The following RAP1B variants were observed in gnomAD, a reference collection of about 807,000 sequenced individuals.
RAP1B encodes the protein ras-related protein Rap-1b.
In RAP1B, 1 loss-of-function variant was observed where a neutral mutation model predicts 27.5. That is an observed-to-expected ratio of 0.04 (90% CI 0.01 to 0.17). RAP1B has a LOEUF of 0.17. Among genes scored for constraint, RAP1B ranks in the 10% least tolerant of loss-of-function variants. The probability of loss-of-function intolerance (pLI) is 1.00; values close to 1 mark genes in which losing one functional copy is unlikely to be tolerated. For synonymous variants in RAP1B, 75 were observed against 73.1 expected (o/e 1.03, Z -0.13); for missense variants, 84 against 214.8 (o/e 0.39, Z 3.81).
intron 1 of RAP1B, among the ~76,000 whole-genome samples, chr12:68,637,596 T>A (rs1160316159): frequency 2.7e-5 from 1 of 36,656 alleles, no homozygotes; most frequent in African/African-American, 1.3e-4. Context: ...TAAAACTCCA[T>A]CTCAAAAAAA....
chr12:68,629,013 A>ATCTG (rs56340839), intron 1 of RAP1B, among the ~76,000 whole-genome samples: 26,705 of 151,722 alleles, frequency 0.18, 3,008 homozygotes, highest in South Asian at 0.45. Context: ...TTTATCTTCT[A>ATCTG]TCTGTCTGTC....
At position 68,638,661 on chromosome 12, in the gene RAP1B, A is replaced by C. The variant is rs548849666; in HGVS notation, c.-26-10038A>C. 1.8e-3 allele frequency among the ~76,000 whole-genome samples: 278 copies of C among 152,142 alleles called. 1 individual carries two copies. Among genetic ancestry groups the C allele is most frequent in the African/African-American group, 6.3e-3 (262 of 41,510 alleles). ...TTTTTTATAGTAATTAAGGAATCTA[A>C]CTTTTTTTTGTTTTTTGAGACAGAG... On this transcript the variant is annotated intron_variant, in intron 1 of 7. Transcript: ENST00000250559.
At chr12:68,623,355 T>C (rs1871518408) in intron 1 of RAP1B, among the ~76,000 whole-genome samples, 1 of 152,112 alleles carries the variant, frequency 6.6e-6, no homozygotes, top group Admixed American at 6.5e-5. Flanking sequence ...AGATTAACAG[T>C]GAATTACAGT....
chr12:68,640,836 A>C (rs11177322), intron 1 of RAP1B, among the ~76,000 whole-genome samples: 35,274 of 152,086 alleles, frequency 0.23, 4,813 homozygotes, highest in Non-Finnish European at 0.32. Flanking sequence ...AGACAAAAAA[A>C]AAGCTACCCC....
chr12:68,617,340 C>G (rs2135912137), intron 1 of RAP1B, among the ~76,000 whole-genome samples: 1 of 152,296 alleles, frequency 6.6e-6, no homozygotes, highest in African/African-American at 2.4e-5. Context: ...GTGGCTGATG[C>G]TTCTAAGTTA....
Position 68,657,235 on chromosome 12 carries a change from T to C in RAP1B, c.*30+18T>C. On this transcript the variant is annotated intron_variant, in intron 7 of 7. Coordinates refer to ENST00000250559, the MANE Select transcript of RAP1B (RefSeq NM_001010942.3). ...TGAGCCAGGTATGTTCACTTATCTTTCCTCTAACTTTTAATCACTCAACCT... is the reference window on the plus strand; with the variant it reads ...TGAGCCAGGTATGTTCACTTATCTTCCCTCTAACTTTTAATCACTCAACCT... 2.0e-6 allele frequency: 3 copies of C among 1,497,126 alleles called. No homozygotes were observed. The highest frequency in any genetic ancestry group is 2.8e-6 in the Non-Finnish European group (3 of 1,078,150). The allele number at this position is 1,497,126 out of a possible 1,614,324, so 92.7% of individuals were successfully genotyped here.
At chr12:68,612,278 G>A (rs931018712) in intron 1 of RAP1B, among the ~76,000 whole-genome samples, 1 of 152,102 alleles carries the variant, frequency 6.6e-6, no homozygotes, top group Non-Finnish European at 1.5e-5. Flanking sequence ...TTAGAATACT[G>A]TTTGGACTTG....
intron 5 of RAP1B, among the ~76,000 whole-genome samples, chr12:68,655,896 C>T (rs1000229791): frequency 1.3e-5 from 2 of 152,104 alleles, no homozygotes; most frequent in Non-Finnish European, 2.9e-5. Flanking sequence ...GGGAGCCTTC[C>T]GTCCATTATG....
intron 1 of RAP1B, among the ~76,000 whole-genome samples, chr12:68,642,154 G>A (rs1005011273): frequency 1.3e-5 from 2 of 152,094 alleles, no homozygotes; most frequent in Non-Finnish European, 2.9e-5. Flanking sequence ...TACTACATTT[G>A]CAGATTAACT....
chr12:68,659,274 T>A lies in RAP1B; in HGVS notation c.*31-6T>A, dbSNP rs1227395414. 1 of 457,160 alleles carries A rather than the reference T, an allele frequency of 2.2e-6. No individual in the cohort carries two copies. Among genetic ancestry groups the A allele is most frequent in the Non-Finnish European group, 4.4e-6 (1 of 226,702 alleles). The allele number at this position is 457,160 out of a possible 1,614,324, so 28.3% of individuals were successfully genotyped here. ...TGTTTTTAATTAATTTTTTTCCTTT[T>A]GACAGGTCTGAAGAACTGTTGCCCA... is the stretch of plus-strand genomic sequence containing the variant. On this transcript the variant is annotated splice_polypyrimidine_tract_variant and splice_region_variant and intron_variant, in intron 7 of 7. Transcript: ENST00000250559.
chr12:68,653,783 T>G (rs1229167863), intron 4 of RAP1B, among the ~76,000 whole-genome samples: 1 of 151,802 alleles, frequency 6.6e-6, no homozygotes, highest in South Asian at 2.1e-4. Context: ...AGAAAAAAAT[T>G]AGCCGGGCAT....
intron 1 of RAP1B, among the ~76,000 whole-genome samples, chr12:68,625,686 C>T (rs975328016): frequency 2.6e-5 from 4 of 152,142 alleles, no homozygotes; most frequent in Middle Eastern, 6.8e-3. Flanking sequence ...TTTGGGAGGC[C>T]GAGGCGGGTG....
chr12:68,611,636 G>T (rs1792058465), intron 1 of RAP1B, among the ~76,000 whole-genome samples: 1 of 152,146 alleles, frequency 6.6e-6, no homozygotes, highest in Admixed American at 6.5e-5. Context: ...CCTGAAACGG[G>T]GCTTGCTTGC....
chr12:68,627,385 T>G (rs564855902), intron 1 of RAP1B: 1 of 624,488 alleles, frequency 1.6e-6, no homozygotes, highest in East Asian at 2.8e-5. Flanking sequence ...GCAGGGTGTT[T>G]TTTAAAACAC....
At position 68,669,276 on chromosome 12, in the gene RAP1B, C is replaced by T. The variant is rs1447365949; in HGVS notation, c.*10027C>T. On this transcript the variant is annotated 3_prime_UTR_variant, in exon 8 of 8. Transcript: ENST00000250559. ...ATAAATCAAGATCTGAACAAATACACTGGGAAGATAATATCATAAAAATAT... is the reference window on the plus strand; with the variant it reads ...ATAAATCAAGATCTGAACAAATACATTGGGAAGATAATATCATAAAAATAT... The T allele has an allele frequency of 6.6e-6, 1 of 152,198 alleles. No homozygotes were observed. The highest frequency in any genetic ancestry group is 2.4e-5 in the African/African-American group (1 of 41,448). The allele number at this position is 152,198 out of a possible 1,614,324, so 9.4% of individuals were successfully genotyped here. A position where few individuals can be genotyped will look rare whatever the true frequency, so the allele number is the denominator to read the frequency against.
At chr12:68,628,387 G>A (rs1388252099) in intron 1 of RAP1B, among the ~76,000 whole-genome samples, 1 of 152,200 alleles carries the variant, frequency 6.6e-6, no homozygotes, top group Non-Finnish European at 1.5e-5. Flanking sequence ...TCGGGTGTTT[G>A]TGGCTATGTT....
At chr12:68,625,913 T>C (rs886578726) in intron 1 of RAP1B, among the ~76,000 whole-genome samples, 21 of 149,686 alleles carry the variant, frequency 1.4e-4, no homozygotes, top group African/African-American at 5.0e-4. Context: ...AGAGCGAGAC[T>C]CTGTCTCAAA....
At chr12:68,627,118 G>A in intron 1 of RAP1B, 4 of 1,587,280 alleles carry the variant, frequency 2.5e-6, no homozygotes, top group Non-Finnish European at 3.4e-6. Flanking sequence ...ATGATAACTT[G>A]GCCAGTGTGA....
chr12:68,645,808 A>G (rs530424743), intron 1 of RAP1B, among the ~76,000 whole-genome samples: 2 of 152,364 alleles, frequency 1.3e-5, no homozygotes, highest in South Asian at 2.1e-4. Context: ...ACTGATTCAA[A>G]TCTTGACTAT....
Sources: gnomAD v4.1 joint callset for allele counts (sites outside exome capture counted in the v4.1 genomes callset) on GRCh38, gnomAD v4.1.1 for gene constraint, MANE v1.5 for transcripts, NCBI Gene and HGNC (gene_info 2026-07-23, HGNC 2026-07-21) for gene names.